CHCHD3: variants seen among roughly 807,000 people sequenced by gnomAD.
CHCHD3 encodes coiled-coil-helix-coiled-coil-helix domain containing 3, also known as MICOS complex subunit MIC19.
A neutral mutation model predicts 38.2 loss-of-function variants in CHCHD3; 20 were observed. That is an observed-to-expected ratio of 0.52 (90% CI 0.37 to 0.76). The LOEUF is 0.76. Ranked by LOEUF, CHCHD3 falls within the 30% of genes least tolerant of loss-of-function variation. CHCHD3 has a pLI of 0.00. For missense variants in CHCHD3, 245 were observed against 279.2 expected, an observed-to-expected ratio of 0.88 and a Z score of 0.87; for synonymous variants, 82 against 100.0, an observed-to-expected ratio of 0.82 and a Z score of 1.07.
intron 6 of CHCHD3, among the ~76,000 whole-genome samples, chr7:132,807,407 G>A (rs907964066): frequency 2.0e-5 from 3 of 151,912 alleles, no homozygotes; most frequent in Non-Finnish European, 4.4e-5. Flanking sequence ...CACTTATACT[G>A]AGTGTCCAGT....
intron 4 of CHCHD3, among the ~76,000 whole-genome samples, chr7:132,899,998 G>A (rs1217180775): frequency 2.0e-5 from 3 of 152,202 alleles, no homozygotes; most frequent in Non-Finnish European, 4.4e-5. Context: ...GGAAATAACC[G>A]TGTGTATGTG....
rs564426855 is a variant in CHCHD3 at position 132,792,460 on chromosome 7, G to A, written c.660+3982C>T. ...AACCTCAAAGAAAGGGTACGTAGCA[G>A]TGGGAGGCCAGGCAGCAGCAGACCA... On this transcript the variant is annotated intron_variant, in intron 7 of 7. Transcript: ENST00000262570. Among the ~76,000 whole-genome samples, 18 of 152,340 alleles carry A rather than the reference G, an allele frequency of 1.2e-4. No homozygotes were observed. In the East Asian group the frequency reaches 2.7e-3, roughly 23 times the overall value.
intron 2 of CHCHD3, among the ~76,000 whole-genome samples, chr7:133,055,327 A>T (rs966087468): frequency 2.1e-5 from 3 of 145,446 alleles, no homozygotes; most frequent in Non-Finnish European, 4.5e-5. Context: ...ATTATATATA[A>T]TTGTTATATA....
intron 6 of CHCHD3, among the ~76,000 whole-genome samples, chr7:132,810,796 A>G (rs1807050524): frequency 6.6e-6 from 1 of 152,208 alleles, no homozygotes; most frequent in African/African-American, 2.4e-5. Flanking sequence ...ATGCCATTAC[A>G]CACAACCCAA....
At chr7:132,824,314 CTTTTTT>C (rs57262694) in intron 6 of CHCHD3, among the ~76,000 whole-genome samples, 38 of 90,132 alleles carry the variant, frequency 4.2e-4, no homozygotes, top group African/African-American at 1.6e-3. Context: ...TAGTAGAACT[CTTTTTT>C]TTTTTTTTTT....
At chr7:133,009,146 C>A (rs1812789026) in intron 3 of CHCHD3, among the ~76,000 whole-genome samples, 1 of 151,824 alleles carries the variant, frequency 6.6e-6, no homozygotes. Context: ...GGTGGATCAC[C>A]TGAGGCCAGG....
At chr7:132,968,872 TTCTTA>T (rs1169515532) in intron 4 of CHCHD3, among the ~76,000 whole-genome samples, 2 of 152,232 alleles carry the variant, frequency 1.3e-5, no homozygotes, top group African/African-American at 2.4e-5. Flanking sequence ...AGCAGTAGTG[TTCTTA>T]TCTGCTTCCT....
intron 6 of CHCHD3, chr7:132,815,776 T>C (rs1382358075): frequency 9.8e-6 from 3 of 305,158 alleles, no homozygotes; most frequent in Non-Finnish European, 1.9e-5. Context: ...CTATTTCTGG[T>C]TTACGCACCG....
At chr7:132,896,448 T>C (rs528699710) in intron 4 of CHCHD3, among the ~76,000 whole-genome samples, 32 of 152,328 alleles carry the variant, frequency 2.1e-4, no homozygotes, top group African/African-American at 7.5e-4. Flanking sequence ...ACAAGTTTCA[T>C]GTTACAAAGT....
chr7:132,895,056 A>C (rs74601977), intron 4 of CHCHD3, among the ~76,000 whole-genome samples: 2,038 of 152,358 alleles, frequency 0.013, 49 homozygotes, highest in African/African-American at 0.046. Flanking sequence ...TCCATTAACC[A>C]GCATGATAAA....
chr7:132,787,308 G>A (rs1408389926), intron 7 of CHCHD3, among the ~76,000 whole-genome samples: 2 of 152,140 alleles, frequency 1.3e-5, no homozygotes, highest in Non-Finnish European at 2.9e-5. Flanking sequence ...GACATCCTCA[G>A]CATGATGGAT....
At chr7:132,831,216 T>C (rs562150757) in intron 6 of CHCHD3, among the ~76,000 whole-genome samples, 1 of 152,200 alleles carries the variant, frequency 6.6e-6, no homozygotes, top group Admixed American at 6.5e-5. Flanking sequence ...GAAGGCAGCA[T>C]GTTCAAGTAA....
At chr7:132,905,333 C>T (rs1809772552) in intron 4 of CHCHD3, among the ~76,000 whole-genome samples, 1 of 152,024 alleles carries the variant, frequency 6.6e-6, no homozygotes, top group Non-Finnish European at 1.5e-5. Context: ...TTAACCTCAG[C>T]AAACTAACAC....
At chr7:132,995,889 A>ACCT (rs1171845713) in intron 3 of CHCHD3, among the ~76,000 whole-genome samples, 23 of 152,142 alleles carry the variant, frequency 1.5e-4, no homozygotes, top group Admixed American at 1.4e-3. Context: ...TTTGTGAAGT[A>ACCT]CCTCCTTGTG....
At chr7:132,804,065 C>A (rs1299089109) in intron 6 of CHCHD3, among the ~76,000 whole-genome samples, 1 of 151,970 alleles carries the variant, frequency 6.6e-6, no homozygotes, top group Non-Finnish European at 1.5e-5. Context: ...CTGGAAATAG[C>A]CAACACGGGA....
intron 4 of CHCHD3, among the ~76,000 whole-genome samples, chr7:132,956,478 A>G (rs757556390): frequency 7.2e-5 from 11 of 152,158 alleles, no homozygotes; most frequent in Non-Finnish European, 1.6e-4. Flanking sequence ...GAAAAAGTCC[A>G]CTCTTGCTAA....
In CHCHD3 at chr7:132,845,471, G is replaced by A. The variant is rs141107050; in HGVS notation, c.454-7002C>T. On this transcript the variant is annotated intron_variant, in intron 5 of 7. Transcript: ENST00000262570. The stretch of plus-strand genomic sequence containing the variant: ...GTTCTGTTTTTCTGTTCCTTAAGAC[G>A]GATGGGAAATATGAAGACAATAGTG... Among the ~76,000 whole-genome samples the A allele has an allele frequency of 1.1e-4, 17 of 152,216 alleles. No individual in the cohort carries two copies. The East Asian group carries it at 2.7e-3, about 24-fold the overall frequency.
intron 2 of CHCHD3, among the ~76,000 whole-genome samples, chr7:133,053,082 G>A (rs1057083221): frequency 7.9e-5 from 12 of 152,190 alleles, no homozygotes; most frequent in African/African-American, 2.4e-4. Flanking sequence ...AAATTCACAC[G>A]GCATTTTCTC....
At chr7:133,000,875 T>C (rs1321234292) in intron 3 of CHCHD3, among the ~76,000 whole-genome samples, 1 of 152,174 alleles carries the variant, frequency 6.6e-6, no homozygotes, top group Non-Finnish European at 1.5e-5. Flanking sequence ...AAGTGTTTAA[T>C]AGTCACCTGT....
Sources: allele counts gnomAD v4.1 joint callset (sites outside exome capture counted in the v4.1 genomes callset), GRCh38; gene constraint gnomAD v4.1.1; transcripts MANE v1.5; gene names NCBI Gene and HGNC (gene_info 2026-07-23, HGNC 2026-07-21).